The following ZNRF3 variants were observed in gnomAD, a reference collection of about 807,000 sequenced individuals.
The protein encoded by ZNRF3 is zinc and ring finger 3.
ZNRF3 carries 23 observed loss-of-function variants against 72.5 expected under a neutral mutation model. That is an observed-to-expected ratio of 0.32 (90% CI 0.23 to 0.45). The LOEUF (loss-of-function observed/expected upper bound fraction) is 0.45, where lower values mean the gene tolerates loss of function less well. Among genes scored for constraint, ZNRF3 ranks in the 20% least tolerant of loss-of-function variants. The pLI, the probability that ZNRF3 is intolerant of heterozygous loss-of-function variation, is 1.00. For missense variants in ZNRF3, 1,169 were observed against 1,272.1 expected, an observed-to-expected ratio of 0.92 and a Z score of 1.23; for synonymous variants, 610 against 545.3, an observed-to-expected ratio of 1.12 and a Z score of -1.65.
At chr22:28,906,412 G>A (rs879135966) in intron 1 of ZNRF3, among the ~76,000 whole-genome samples, 1 of 152,204 alleles carries the variant, frequency 6.6e-6, no homozygotes, top group Non-Finnish European at 1.5e-5. Flanking sequence ...CATGTAAGGG[G>A]CATAGTGGTG....
intron 1 of ZNRF3, among the ~76,000 whole-genome samples, chr22:28,895,976 A>G (rs2033986657): frequency 6.6e-6 from 1 of 152,006 alleles, no homozygotes; most frequent in East Asian, 1.9e-4. Flanking sequence ...TCTGAGGCGG[A>G]GTCTTGCTCT....
intron 2 of ZNRF3, among the ~76,000 whole-genome samples, chr22:29,020,411 C>T (rs2036512208): frequency 6.6e-6 from 1 of 151,798 alleles, no homozygotes; most frequent in East Asian, 1.9e-4. Flanking sequence ...CAGGTGCATG[C>T]CACCATGCCC....
Position 29,053,586 on chromosome 22 carries a change from A to G in ZNRF3, c.2775A>G (p.Arg925=). ...GTTCTCTCTCTTTCCCAGGACCGAG[A>G]TCTCACTCAGCAGACAGCAGCAGCC... The part of the protein sequence containing the change: ...STTATEAAGP[R]SHSADSSSPG... The change falls in exon 9 of 9, where the codon AGA becomes AGG. Residue 925 remains arginine, a synonymous_variant. Transcript: ENST00000544604. The G allele has an allele frequency of 6.2e-7, 1 of 1,612,894 alleles. No homozygotes were observed. Among genetic ancestry groups the G allele is most frequent in the Non-Finnish European group, 8.5e-7 (1 of 1,179,494 alleles).
rs2123886285 is a variant in ZNRF3 at position 29,048,520 on chromosome 22, GAAGAGTC to G, written c.1015+33_1015+39del. The G allele has an allele frequency of 6.2e-7, 1 of 1,605,378 alleles. No individual in the cohort carries two copies. The highest frequency in any genetic ancestry group is 2.2e-5 in the East Asian group (1 of 44,828). ...ACTGTCACCCGCCTTAGCCATTGCTGAAGAGTCAAGTGCCTAGCTAGAGTGTGACACA... is the reference window on the plus strand; with the variant it reads ...ACTGTCACCCGCCTTAGCCATTGCTGAAGTGCCTAGCTAGAGTGTGACACA... On this transcript the variant is annotated intron_variant, in intron 7 of 8. Transcript: ENST00000544604. The surrounding 1 kb of genome is among the most constrained non-coding windows in gnomAD (Gnocchi z 4.9).
intron 1 of ZNRF3, among the ~76,000 whole-genome samples, chr22:28,939,605 A>C (rs1440236928): frequency 6.6e-6 from 1 of 151,658 alleles, no homozygotes; most frequent in East Asian, 1.9e-4. Context: ...GCATTCTCTT[A>C]ATGGGCCTCA....
chr22:28,985,259 G>A (rs1263754833), intron 1 of ZNRF3, among the ~76,000 whole-genome samples: 1 of 152,086 alleles, frequency 6.6e-6, no homozygotes, highest in Non-Finnish European at 1.5e-5. Flanking sequence ...ACTCCATCCT[G>A]GTTTTTGAGC....
At chr22:28,914,482 T>G (rs1438901237) in intron 1 of ZNRF3, among the ~76,000 whole-genome samples, 1 of 148,622 alleles carries the variant, frequency 6.7e-6, no homozygotes, top group Non-Finnish European at 1.5e-5. Flanking sequence ...TTTCATAGAC[T>G]GTTGACATAG....
intron 2 of ZNRF3, among the ~76,000 whole-genome samples, chr22:29,040,777 C>G (rs572045582): frequency 1.8e-4 from 28 of 152,212 alleles, no homozygotes; most frequent in Non-Finnish European, 2.9e-4. Context: ...TTGCAGTATA[C>G]TGAAGATTTT....
At chr22:28,947,200 G>C (rs16986861) in intron 1 of ZNRF3, among the ~76,000 whole-genome samples, 20,909 of 151,838 alleles carry the variant, frequency 0.14, 2,074 homozygotes, top group East Asian at 0.43. Flanking sequence ...CTTGCTATCA[G>C]CCATGTATTA....
chr22:28,934,817 C>CA (rs1244256699), intron 1 of ZNRF3, among the ~76,000 whole-genome samples: 1,027 of 56,618 alleles, frequency 0.018, 10 homozygotes, highest in Non-Finnish European at 0.026. Context: ...GACTCTGTCT[C>CA]AAAAAAAAAA....
At chr22:29,015,406 A>G (rs1836739795) in intron 2 of ZNRF3, among the ~76,000 whole-genome samples, 1 of 152,176 alleles carries the variant, frequency 6.6e-6, no homozygotes, top group African/African-American at 2.4e-5. Flanking sequence ...ACGGTGGCTC[A>G]TGCCTATAAT....
chr22:29,018,039 G>C (rs1312080141), intron 2 of ZNRF3: 1 of 518,972 alleles, frequency 1.9e-6, no homozygotes, highest in East Asian at 5.4e-5. Flanking sequence ...GGAACTGTGT[G>C]GGTGGAGCAT....
intron 1 of ZNRF3, among the ~76,000 whole-genome samples, chr22:28,971,048 A>G (rs2123813495): frequency 6.6e-6 from 1 of 152,184 alleles, no homozygotes; most frequent in Admixed American, 6.5e-5. Flanking sequence ...GTTTTTTGGG[A>G]TGTGGTGGCA....
rs1224421979 is a variant in ZNRF3, at chr22:29,030,675, C to T, written c.427-11820C>T. On this transcript the variant is annotated intron_variant, in intron 2 of 8. Coordinates refer to ENST00000544604, the MANE Select transcript of ZNRF3 (RefSeq NM_001206998.2). This position sits in a 1 kb window ranked among gnomAD's most constrained non-coding sequence, Gnocchi z 4.2. ...TCGGAGAAGGCCGGATGGCAGCCCG[C>T]CCCGAAAGTCCCGGCCCGCTGGATT... is the stretch of plus-strand genomic sequence containing the variant. 1.3e-5 allele frequency among the ~76,000 whole-genome samples: 2 copies of T among 151,594 alleles called. No individual in the cohort carries two copies.
At chr22:29,002,706 A>G (rs1339210045) in intron 2 of ZNRF3, among the ~76,000 whole-genome samples, 1 of 152,170 alleles carries the variant, frequency 6.6e-6, no homozygotes, top group Non-Finnish European at 1.5e-5. Context: ...CTTAAGCAGG[A>G]TCTGTGCTCC....
chr22:28,916,529 C>T (rs1336713880), intron 1 of ZNRF3, among the ~76,000 whole-genome samples: 3 of 151,838 alleles, frequency 2.0e-5, no homozygotes, highest in African/African-American at 7.3e-5. Flanking sequence ...TTTTTATTGC[C>T]CTTGTGCACC....
At chr22:29,005,885 A>G (rs540771420) in intron 2 of ZNRF3, among the ~76,000 whole-genome samples, 34 of 152,218 alleles carry the variant, frequency 2.2e-4, no homozygotes, top group Admixed American at 7.9e-4. Context: ...ACAATACAAA[A>G]TTAGCTGGGC....
At chr22:29,014,096 G>C (rs1427286398) in intron 2 of ZNRF3, among the ~76,000 whole-genome samples, 1 of 152,044 alleles carries the variant, frequency 6.6e-6, no homozygotes, top group Non-Finnish European at 1.5e-5. Context: ...CATCTGTCCT[G>C]GTCGTTTCTG....
At chr22:28,925,974 C>T (rs933120277) in intron 1 of ZNRF3, among the ~76,000 whole-genome samples, 1 of 152,230 alleles carries the variant, frequency 6.6e-6, no homozygotes, top group African/African-American at 2.4e-5. Context: ...ACCCCATCCC[C>T]TGGCTGGGAA....
Sources: gnomAD v4.1 joint callset for allele counts (sites outside exome capture counted in the v4.1 genomes callset) on GRCh38, gnomAD v4.1.1 for gene constraint, Gnocchi (gnomAD v3.1) non-coding constraint, MANE v1.5 for transcripts, NCBI Gene and HGNC (gene_info 2026-07-23, HGNC 2026-07-21) for gene names.